SASH1: variants seen among roughly 807,000 people sequenced by gnomAD.
SASH1 encodes SAM and SH3 domain containing 1.
Under a neutral mutation model 125.2 loss-of-function variants are expected in SASH1, and 44 were observed. The observed-to-expected ratio is 0.35, with a 90% CI of 0.28 to 0.45. The LOEUF is 0.45. SASH1 is among the 20% of genes least tolerant of loss of function. The pLI, the probability that SASH1 is intolerant of heterozygous loss-of-function variation, is 1.00. For synonymous variants in SASH1, 639 were observed against 649.1 expected, an observed-to-expected ratio of 0.98 and a Z score of 0.24; for missense variants, 1,426 against 1,614.5, an observed-to-expected ratio of 0.88 and a Z score of 2.00.
intron 1 of SASH1, among the ~76,000 whole-genome samples, chr6:148,277,932 G>A (rs868650985): frequency 5.9e-5 from 9 of 152,304 alleles, no homozygotes; most frequent in Middle Eastern, 3.4e-3. Flanking sequence ...GGCCAGGCTG[G>A]TCTCAAACTC....
At chr6:148,271,070 C>T (rs1415333950), upstream of SASH1, among the ~76,000 whole-genome samples, 1 of 152,122 alleles carries the variant, frequency 6.6e-6, no homozygotes, top group Admixed American at 6.6e-5. Flanking sequence ...CCACCATGTC[C>T]GGCTAATTTT....
At chr6:148,427,460 T>A (rs1775873289) in intron 2 of SASH1, among the ~76,000 whole-genome samples, 1 of 152,214 alleles carries the variant, frequency 6.6e-6, no homozygotes, top group Non-Finnish European at 1.5e-5. Context: ...TGCATTCTTC[T>A]AACACAACAC....
At chr6:148,213,505 GGTGT>G in the SASH1 span, among the ~76,000 whole-genome samples, 53 of 148,448 alleles carry the variant, frequency 3.6e-4, no homozygotes, top group Non-Finnish European at 6.4e-4. Context: ...CTAGCCAAAG[GGTGT>G]GTGTGTGTGT....
intron 1 of SASH1, among the ~76,000 whole-genome samples, chr6:148,379,483 A>G (rs557404533): frequency 3.4e-4 from 52 of 152,272 alleles, no homozygotes; most frequent in African/African-American, 1.3e-3. Flanking sequence ...CGTGACTAGA[A>G]GCTCACCATT....
chr6:148,519,020 T>C lies in SASH1; in HGVS notation c.863-527T>C, dbSNP rs9498057. Among the ~76,000 whole-genome samples the C allele has an allele frequency of 0.028, 4,211 of 152,304 alleles. 197 individuals carry two copies. Among genetic ancestry groups the C allele is most frequent in the African/African-American group, 0.096 (3,977 of 41,550 alleles). ...CAGTCACATTTGCAAGATACAACGC[T>C]TTATAGTGTTTCTCCCCACCAAAAC... On this transcript the variant is annotated intron_variant, in intron 9 of 19. Transcript: ENST00000367467. The surrounding 1 kb of genome is among the most constrained non-coding windows in gnomAD (Gnocchi z 4.8).
intron 4 of SASH1, among the ~76,000 whole-genome samples, chr6:148,454,183 C>T (rs1409170552): frequency 6.6e-6 from 1 of 152,126 alleles, no homozygotes; most frequent in Non-Finnish European, 1.5e-5. Context: ...CTCAGGAGCT[C>T]CACACATCAC....
chr6:148,364,492 G>T (rs761637282), intron 1 of SASH1, among the ~76,000 whole-genome samples: 1 of 152,170 alleles, frequency 6.6e-6, no homozygotes, highest in Non-Finnish European at 1.5e-5. Context: ...AAAAGCAAGA[G>T]TGTAGACTCC....
At chr6:148,546,200 A>G (rs1231361612) in intron 19 of SASH1, 54 bp downstream of exon 19, 1 of 1,578,670 alleles carries the variant, frequency 6.3e-7, no homozygotes, top group Admixed American at 1.8e-5. Context: ...GATCACGCTT[A>G]GTGATGACCA....
chr6:148,291,680 C>A (rs1427757078), intron 1 of SASH1, among the ~76,000 whole-genome samples: 1 of 151,802 alleles, frequency 6.6e-6, no homozygotes, highest in African/African-American at 2.4e-5. Context: ...TATCAAAAAA[C>A]AAACAAACAA....
chr6:148,278,621 G>A (rs1779252995), intron 1 of SASH1: 1 of 151,994 alleles, frequency 6.6e-6, no homozygotes, highest in Non-Finnish European at 1.5e-5. Flanking sequence ...AATAGAACAA[G>A]GCACTTTCAA....
At chr6:148,328,648 G>T (rs921574557) in intron 1 of SASH1, among the ~76,000 whole-genome samples, 2 of 151,662 alleles carry the variant, frequency 1.3e-5, no homozygotes, top group Non-Finnish European at 1.5e-5. Context: ...TAGTAAGCTT[G>T]CTCCTGCTCC....
intron 4 of SASH1, among the ~76,000 whole-genome samples, chr6:148,456,379 G>C (rs1283741498): frequency 6.6e-6 from 1 of 152,210 alleles, no homozygotes; most frequent in Non-Finnish European, 1.5e-5. Flanking sequence ...CTTAACCTGG[G>C]CCTGCCTCAC....
At chr6:148,227,413 A>C in the SASH1 span, among the ~76,000 whole-genome samples, 3 of 152,174 alleles carry the variant, frequency 2.0e-5, no homozygotes, top group African/African-American at 7.2e-5. Context: ...GCTGGGGTGC[A>C]GTGGTGCAAT....
chr6:148,269,406 A>G (rs535337578), upstream of SASH1, among the ~76,000 whole-genome samples: 5 of 152,146 alleles, frequency 3.3e-5, no homozygotes, highest in South Asian at 6.2e-4. Context: ...AGTAGCTAAG[A>G]CCACAGGCAC....
At chr6:148,298,214 T>C (rs965788367) in intron 1 of SASH1, among the ~76,000 whole-genome samples, 2 of 152,032 alleles carry the variant, frequency 1.3e-5, no homozygotes, top group East Asian at 3.9e-4. Context: ...GGTGTCACCA[T>C]GTTGGCCAGG....
At chr6:148,508,743 G>C in intron 8 of SASH1, 1 of 1,253,170 alleles carries the variant, frequency 8.0e-7, no homozygotes, top group Non-Finnish European at 1.0e-6. Context: ...ACATGTTCCA[G>C]GAGTGCCTAA....
At chr6:148,238,682 T>C in the SASH1 span, among the ~76,000 whole-genome samples, 7 of 151,262 alleles carry the variant, frequency 4.6e-5, no homozygotes, top group Non-Finnish European at 8.8e-5. Flanking sequence ...GTAAATTCTA[T>C]GAGAGAAGGG....
At chr6:148,325,207 G>C (rs985172203) in intron 1 of SASH1, among the ~76,000 whole-genome samples, 1 of 152,174 alleles carries the variant, frequency 6.6e-6, no homozygotes, top group African/African-American at 2.4e-5. Context: ...ACACGTCGTT[G>C]TTCACATGAT....
At chr6:148,211,124 C>A in the SASH1 span, among the ~76,000 whole-genome samples, 1 of 152,320 alleles carries the variant, frequency 6.6e-6, no homozygotes, top group Non-Finnish European at 1.5e-5. Flanking sequence ...ATGCTACCTA[C>A]CTCAGAAACA....
Sources: allele counts gnomAD v4.1 joint callset (sites outside exome capture counted in the v4.1 genomes callset), GRCh38; gene constraint gnomAD v4.1.1; non-coding constraint Gnocchi (gnomAD v3.1); transcripts MANE v1.5; gene names NCBI Gene and HGNC (gene_info 2026-07-23, HGNC 2026-07-21).